STKLD1: variants seen among roughly 807,000 people sequenced by gnomAD.
STKLD1 encodes the protein serine/threonine kinase-like domain-containing protein STKLD1.
Under a neutral mutation model 80.4 loss-of-function variants are expected in STKLD1, and 79 were observed. That is an observed-to-expected ratio of 0.98 (90% confidence interval 0.82 to 1.19). The LOEUF (loss-of-function observed/expected upper bound fraction) is 1.19. STKLD1 is among the 50% of genes most tolerant of loss of function. The pLI is 0.00. For missense variants in STKLD1, 841 were observed against 856.0 expected, an observed-to-expected ratio of 0.98 and a Z score of 0.22; for synonymous variants, 393 against 357.6, an observed-to-expected ratio of 1.10 and a Z score of -1.12.
intron 7 of STKLD1, among the ~76,000 whole-genome samples, chr9:133,392,535 GTGGATGGA>G (rs1283316756): frequency 6.8e-6 from 1 of 146,902 alleles, no homozygotes; most frequent in Non-Finnish European, 1.5e-5. Flanking sequence ...GGGTGGGTGA[GTGGATGGA>G]TGGATGGATG....
rs1265378048 is a variant in STKLD1, at chr9:133,383,905, C to T, written c.219+5C>T. 1 of 1,613,756 alleles carries T rather than the reference C, an allele frequency of 6.2e-7. No homozygotes were observed. Among genetic ancestry groups the T allele is most frequent in the East Asian group, 2.2e-5 (1 of 44,900 alleles). Reference sequence around the variant, plus strand: ...GCCAGTCAGGCCCTGGAGGAGGTAACTCTCAGGGTAGTTTTCCCTCTGGAA... The same window carrying T: ...GCCAGTCAGGCCCTGGAGGAGGTAATTCTCAGGGTAGTTTTCCCTCTGGAA... On this transcript the variant is annotated splice_donor_5th_base_variant and intron_variant, in intron 3 of 17. Coordinates refer to ENST00000371957, the MANE Select transcript of STKLD1 (RefSeq NM_153710.5).
chr9:133,383,762 T>A (rs1361104948), intron 2 of STKLD1, 94 bp from the exon 3 acceptor site: 1 of 1,196,484 alleles, frequency 8.4e-7, no homozygotes, highest in Non-Finnish European at 1.2e-6. Context: ...GCTGTGCAGA[T>A]GATGGTAATG....
rs1838236356 is a variant in STKLD1, at chr9:133,385,157, CA to C, written c.220-459del. ...CCCCAAGCAGTTGTCTGTCTGGCTCCATGTCTCTAAGGCAGCCCTATCTGCT... is the reference window on the plus strand; with the variant it reads ...CCCCAAGCAGTTGTCTGTCTGGCTCCTGTCTCTAAGGCAGCCCTATCTGCT... On this transcript the variant is annotated intron_variant, in intron 3 of 17. Transcript: ENST00000371957. This position sits in a 1 kb window ranked among gnomAD's most constrained non-coding sequence, Gnocchi z 4.9. Among the ~76,000 whole-genome samples the C allele has an allele frequency of 6.6e-6, 1 of 152,206 alleles. No individual in the cohort carries two copies. The highest frequency in any genetic ancestry group is 2.4e-5 in the African/African-American group (1 of 41,466).
Position 133,385,574 on chromosome 9 carries a change from G to T in STKLD1, c.220-43G>T. 6.3e-7 allele frequency: 1 copy of T among 1,590,392 alleles called. No individual in the cohort carries two copies. The highest frequency in any genetic ancestry group is 1.1e-5 in the South Asian group (1 of 90,468). Reference sequence around the variant, plus strand: ...AGAAGCCCGAGCTGAGAAAGGCGTGGAGAGGCACTGACTTCTCCGTTTCCT... The same window carrying T: ...AGAAGCCCGAGCTGAGAAAGGCGTGTAGAGGCACTGACTTCTCCGTTTCCT... On this transcript the variant is annotated intron_variant, in intron 3 of 17. Coordinates refer to ENST00000371957, the MANE Select transcript of STKLD1 (RefSeq NM_153710.5). The surrounding 1 kb of genome is among the most constrained non-coding windows in gnomAD (Gnocchi z 4.9).
rs1405944266 is a variant in STKLD1, at chr9:133,394,273, C to T, written c.584-18C>T. 2.6e-6 allele frequency: 4 copies of T among 1,565,564 alleles called. No individual in the cohort carries two copies. The highest frequency in any genetic ancestry group is 3.5e-6 in the Non-Finnish European group (4 of 1,135,904). Reference sequence around the variant, plus strand: ...GGGAGCAAAGGACTCAGGGATCCCACCTTGCTTTTACCAACAGACCCCTTT... The same window carrying T: ...GGGAGCAAAGGACTCAGGGATCCCATCTTGCTTTTACCAACAGACCCCTTT... On this transcript the variant is annotated intron_variant, in intron 7 of 17. Coordinates refer to ENST00000371957, the MANE Select transcript of STKLD1 (RefSeq NM_153710.5). The surrounding 1 kb of genome is among the most constrained non-coding windows in gnomAD (Gnocchi z 4.9).
chr9:133,404,476 T>C (rs587771036), intron 16 of STKLD1, among the ~76,000 whole-genome samples: 1 of 152,320 alleles, frequency 6.6e-6, no homozygotes, highest in Admixed American at 6.5e-5. Flanking sequence ...GAGAGCATCC[T>C]GGGCCTGGCC....
chr9:133,404,147 A>G (rs901751817), intron 16 of STKLD1, 99 bp downstream of exon 16: 2 of 1,401,834 alleles, frequency 1.4e-6, no homozygotes, highest in East Asian at 4.9e-5. Context: ...AAAAAACAGA[A>G]GCAACAAATC....
rs782516177 is a variant in STKLD1 at position 133,402,867 on chromosome 9, C to G, written c.1340-11C>G. The stretch of plus-strand genomic sequence containing the variant: ...AGGGGCCCTGGGGCCCTCATTCTGG[C>G]TCACCCACAGAGTCAGAGTCACTGT... On this transcript the variant is annotated splice_polypyrimidine_tract_variant and intron_variant, in intron 13 of 17. Coordinates refer to ENST00000371957, the MANE Select transcript of STKLD1 (RefSeq NM_153710.5). 1 of 1,594,464 alleles carries G rather than the reference C, an allele frequency of 6.3e-7. No homozygotes were observed. Among genetic ancestry groups the G allele is most frequent in the East Asian group, 2.3e-5 (1 of 43,954 alleles).
At chr9:133,392,531 GTGAGTGGATGGATGGATGGA>G (rs1838424357) in intron 7 of STKLD1, among the ~76,000 whole-genome samples, 1 of 148,966 alleles carries the variant, frequency 6.7e-6, no homozygotes, top group Admixed American at 6.7e-5. Context: ...GGGTGGGTGG[GTGAGTGGATGGATGGATGGA>G]TGAGTGGATG....
At chr9:133,393,679 T>C (rs929544701) in intron 7 of STKLD1, among the ~76,000 whole-genome samples, 1 of 132,256 alleles carries the variant, frequency 7.6e-6, no homozygotes, top group African/African-American at 2.9e-5. Flanking sequence ...ATGGATGGGG[T>C]GTGCGTGGAT....
rs2130273916 is a variant in STKLD1, at chr9:133,385,153, G to C, written c.220-464G>C. On this transcript the variant is annotated intron_variant, in intron 3 of 17. Transcript: ENST00000371957. This position sits in a 1 kb window ranked among gnomAD's most constrained non-coding sequence, Gnocchi z 4.9. ...TCCACCCCAAGCAGTTGTCTGTCTG[G>C]CTCCATGTCTCTAAGGCAGCCCTAT... Among the ~76,000 whole-genome samples the C allele has an allele frequency of 7.9e-5, 12 of 152,212 alleles. No individual in the cohort carries two copies. The highest frequency in any genetic ancestry group is 1.2e-4 in the Non-Finnish European group (8 of 68,034).
chr9:133,383,278 G>A (rs1838185467), intron 2 of STKLD1, among the ~76,000 whole-genome samples: 1 of 9,682 alleles, frequency 1.0e-4, no homozygotes, highest in Non-Finnish European at 2.1e-4. Context: ...GGTGGTAATG[G>A]TGGTGGTGTG....
In STKLD1 at chr9:133,389,389, C is replaced by T. The variant is rs1253328500; in HGVS notation, c.397-137C>T. The T allele has an allele frequency of 2.5e-5, 37 of 1,459,510 alleles. No individual in the cohort carries two copies. The East Asian group carries it at 5.6e-4, about 22-fold the overall frequency. The allele number at this position is 1,459,510 out of a possible 1,614,324, so 90.4% of individuals were successfully genotyped here. A position where few individuals can be genotyped will look rare whatever the true frequency, so the allele number is the denominator to read the frequency against. On this transcript the variant is annotated intron_variant, in intron 5 of 17. Coordinates refer to ENST00000371957, the MANE Select transcript of STKLD1 (RefSeq NM_153710.5). This position sits in a 1 kb window ranked among gnomAD's most constrained non-coding sequence, Gnocchi z 6.4. ...ACGCTGAAGCCTCCTCCACCCTGAG[C>T]GCTTGGCTGGCTTCAGGCCTGTCTC...
intron 2 of STKLD1, among the ~76,000 whole-genome samples, chr9:133,383,331 G>A (rs1459961596): frequency 1.1e-3 from 10 of 9,452 alleles, no homozygotes; most frequent in Admixed American, 3.2e-3. Flanking sequence ...TGATGGTGGT[G>A]ATGGTGATGG....
At chr9:133,387,981 G>T (rs587715310) in intron 5 of STKLD1, 2 of 396,194 alleles carry the variant, frequency 5.0e-6, no homozygotes, top group African/African-American at 2.1e-5. Context: ...GCCTGATTGC[G>T]CTGCAGGCTG....
Position 133,389,509 on chromosome 9 carries a change from C to A in STKLD1, c.397-17C>A. 1 of 1,612,558 alleles carries A rather than the reference C, an allele frequency of 6.2e-7. No homozygotes were observed. The highest frequency in any genetic ancestry group is 1.3e-5 in the African/African-American group (1 of 75,040). On this transcript the variant is annotated splice_polypyrimidine_tract_variant and intron_variant, in intron 5 of 17. Transcript: ENST00000371957. This position sits in a 1 kb window ranked among gnomAD's most constrained non-coding sequence, Gnocchi z 6.4. ...AGGGTGCCCCTCCCATCCTGGCACC[C>A]CCTACTTCTCCCCCAGTGGATGCAG...
chr9:133,396,019 C>T (rs1319377119), intron 9 of STKLD1: 12 of 319,312 alleles, frequency 3.8e-5, no homozygotes, highest in Non-Finnish European at 6.3e-5. Context: ...CCAGGACCCA[C>T]GACACTTTTA....
rs1554778203 is a variant in STKLD1 at position 133,403,999 on chromosome 9, G to A, written c.1683G>A (p.Leu561=). 2 of 1,612,066 alleles carry A rather than the reference G, an allele frequency of 1.2e-6. No individual in the cohort carries two copies. The highest frequency in any genetic ancestry group is 1.7e-5 in the Admixed American group (1 of 59,852). Residue 561 remains leucine (L), a synonymous_variant, in exon 16 of 18, where the codon CTG becomes CTA. Coordinates refer to ENST00000371957, the MANE Select transcript of STKLD1 (RefSeq NM_153710.5). ...TCCGGCTGTGCCAGGACAGAGCCCTGCTGGTGAACAATGCCTACCGGGGAC... is the reference window on the plus strand; with the variant it reads ...TCCGGCTGTGCCAGGACAGAGCCCTACTGGTGAACAATGCCTACCGGGGAC... ...QSIRLCQDRA[L]LVNNAYRGLA... is the part of the protein sequence containing the mutation.
chr9:133,393,657 G>GGA (rs1554776302), intron 7 of STKLD1, among the ~76,000 whole-genome samples: 30 of 145,028 alleles, frequency 2.1e-4, no homozygotes, highest in African/African-American at 6.0e-4. Context: ...GGGTGGGTGG[G>GGA]TGGATGGATG....
Sources: gnomAD v4.1 joint callset for allele counts (sites outside exome capture counted in the v4.1 genomes callset) on GRCh38, gnomAD v4.1.1 for gene constraint, Gnocchi (gnomAD v3.1) non-coding constraint, MANE v1.5 for transcripts, NCBI Gene and HGNC (gene_info 2026-07-23, HGNC 2026-07-21) for gene names.